The following LIAS variants were observed in gnomAD, a reference collection of about 807,000 sequenced individuals.
LIAS encodes the protein lipoyl synthase, mitochondrial.
Under a neutral mutation model 49.4 loss-of-function variants are expected in LIAS, and 36 were observed. That is an observed-to-expected ratio of 0.73 (90% CI 0.56 to 0.96). The LOEUF (loss-of-function observed/expected upper bound fraction) is 0.96, where lower values mean the gene tolerates loss of function less well. LIAS is among the 40% of genes least tolerant of loss of function. LIAS has a pLI of 0.00. For missense variants in LIAS, 399 were observed against 456.3 expected (o/e 0.87, Z 1.14); for synonymous variants, 145 against 155.8 (o/e 0.93, Z 0.52).
intron 9 of LIAS, 75 bp from the exon 10 acceptor site, chr4:39,473,025 A>G: frequency 2.4e-6 from 2 of 848,632 alleles, no homozygotes; most frequent in East Asian, 2.6e-5. Flanking sequence ...AGCATTCTGC[A>G]TACATAGGTA....
chr4:39,460,253 C>T (rs1435953606), intron 1 of LIAS, among the ~76,000 whole-genome samples: 1 of 152,098 alleles, frequency 6.6e-6, no homozygotes, highest in East Asian at 1.9e-4. Context: ...ATTTTCGGGC[C>T]GGGTGCGGTG....
intron 4 of LIAS, 55 bp downstream of exon 4, chr4:39,463,660 T>G (rs1744636873): frequency 6.5e-7 from 1 of 1,549,760 alleles, no homozygotes; most frequent in Non-Finnish European, 8.8e-7. Flanking sequence ...AGGGACTATT[T>G]TGTGTCTTCC....
At chr4:39,476,861 T>C (rs1244455328) in intron 10 of LIAS, 5 of 514,398 alleles carry the variant, frequency 9.7e-6, no homozygotes, top group African/African-American at 8.0e-5. Flanking sequence ...CTCTAGTCAT[T>C]ATTGCTGGGG....
intron 3 of LIAS, among the ~76,000 whole-genome samples, chr4:39,463,081 G>T (rs1560666844): frequency 6.6e-6 from 1 of 151,524 alleles, no homozygotes; most frequent in South Asian, 2.1e-4. Flanking sequence ...TTAATATAGA[G>T]TTGGGCAGTT....
At chr4:39,470,715 G>C (rs1230495881) in intron 8 of LIAS, 1 of 156,788 alleles carries the variant, frequency 6.4e-6, no homozygotes, top group Non-Finnish European at 1.4e-5. Flanking sequence ...ACTACTTGTA[G>C]TTATTTAGTG....
Position 39,462,185 on chromosome 4 carries a change from G to T in LIAS, c.219-11G>T, listed in dbSNP as rs1744534200. ...ATTTGTTAATAGATAGTTATGTTTG[G>T]CTTTCCTTAGGTTAAGACTACCTCC... On this transcript the variant is annotated splice_polypyrimidine_tract_variant and intron_variant, in intron 2 of 10. Coordinates refer to ENST00000640888, the MANE Select transcript of LIAS (RefSeq NM_006859.4). 2.2e-6 allele frequency: 3 copies of T among 1,368,524 alleles called. No homozygotes were observed. The highest frequency in any genetic ancestry group is 2.8e-5 in the South Asian group (2 of 71,136). 84.8% of individuals were successfully genotyped at this position (1,368,524 alleles called of 1,614,324 possible).
chr4:39,460,748 C>T (rs878871674), intron 1 of LIAS, 42 bp from the exon 2 acceptor site: 4 of 1,478,844 alleles, frequency 2.7e-6, no homozygotes, highest in Non-Finnish European at 3.6e-6. Flanking sequence ...TAAATTATTA[C>T]GGACTCCACT....
At position 39,462,186 on chromosome 4, in the gene LIAS, C is replaced by A; in HGVS notation, c.219-10C>A. ...TTTGTTAATAGATAGTTATGTTTGG[C>A]TTTCCTTAGGTTAAGACTACCTCCA... On this transcript the variant is annotated splice_polypyrimidine_tract_variant and intron_variant, in intron 2 of 10. Coordinates refer to ENST00000640888, the MANE Select transcript of LIAS (RefSeq NM_006859.4). The A allele has an allele frequency of 7.1e-7, 1 of 1,402,028 alleles. No homozygotes were observed. Among genetic ancestry groups the A allele is most frequent in the South Asian group, 1.4e-5 (1 of 72,086 alleles). 86.8% of individuals were successfully genotyped at this position (1,402,028 alleles called of 1,614,324 possible).
chr4:39,465,014 AT>A (rs1481516016), intron 4 of LIAS, 31 bp from the exon 5 acceptor site: 1 of 1,568,318 alleles, frequency 6.4e-7, no homozygotes, highest in Non-Finnish European at 8.8e-7. Context: ...TCATCTGTCT[AT>A]TTCATTTAAA....
chr4:39,466,863 T>A (rs1744778838), intron 6 of LIAS: 1 of 152,226 alleles, frequency 6.6e-6, no homozygotes, highest in Non-Finnish European at 1.5e-5. Flanking sequence ...GTCAGCTGTT[T>A]CAGTCGTTTT....
chr4:39,473,365 G>A, intron 10 of LIAS, 154 bp downstream of exon 10: 1 of 509,258 alleles, frequency 2.0e-6, no homozygotes, highest in Non-Finnish European at 3.5e-6. Flanking sequence ...TAGGAGCTTT[G>A]CTCCATGGGG....
intron 10 of LIAS, chr4:39,473,944 T>G (rs1234690439): frequency 1.3e-5 from 2 of 152,134 alleles, no homozygotes; most frequent in African/African-American, 4.8e-5. Context: ...TCCCTGTCAG[T>G]TGGACTTAAC....
In LIAS at chr4:39,471,779, C is replaced by T. The variant is rs189718412; in HGVS notation, c.954+473C>T. Reference sequence around the variant, plus strand: ...GAGAGCTCAGGCAATCCACCCGCTTCGGCCTCCCAAAGCGCTAGGATTACA... The same window carrying T: ...GAGAGCTCAGGCAATCCACCCGCTTTGGCCTCCCAAAGCGCTAGGATTACA... On this transcript the variant is annotated intron_variant, in intron 9 of 10. Coordinates refer to ENST00000640888, the MANE Select transcript of LIAS (RefSeq NM_006859.4). 4.3e-3 allele frequency among the ~76,000 whole-genome samples: 653 copies of T among 152,038 alleles called. 7 individuals carry two copies. Among genetic ancestry groups the T allele is most frequent in the African/African-American group, 0.014 (561 of 41,470 alleles).
intron 10 of LIAS, among the ~76,000 whole-genome samples, chr4:39,474,435 AAAAAT>A (rs745925155): frequency 2.6e-5 from 4 of 151,618 alleles, no homozygotes; most frequent in African/African-American, 7.3e-5. Flanking sequence ...ACTGTGTCTC[AAAAAT>A]AAAATAAAAA....
chr4:39,470,576 C>T (rs1744943146), intron 8 of LIAS: 1 of 165,578 alleles, frequency 6.0e-6, no homozygotes, highest in Non-Finnish European at 1.3e-5. Flanking sequence ...TTACTTGTAG[C>T]ATTGTCACAT....
chr4:39,464,809 C>G (rs776897117), intron 4 of LIAS, among the ~76,000 whole-genome samples: 1 of 152,134 alleles, frequency 6.6e-6, no homozygotes, highest in Non-Finnish European at 1.5e-5. Flanking sequence ...TGCGTCCTTT[C>G]CTGATCCCAT....
chr4:39,470,212 TAGC>T (rs759983897), intron 8 of LIAS, 48 bp downstream of exon 8: 6 of 1,523,730 alleles, frequency 3.9e-6, no homozygotes, highest in Admixed American at 1.8e-5. Context: ...ATTTGAGTAA[TAGC>T]AGGAACCCAC....
At chr4:39,477,021 A>T in intron 10 of LIAS, 42 bp from the exon 11 acceptor site, 1 of 1,277,348 alleles carries the variant, frequency 7.8e-7, no homozygotes, top group Non-Finnish European at 1.1e-6. Context: ...ACTGTTATTT[A>T]CTTTAAATTG....
rs139410744 is a variant in LIAS, at chr4:39,465,322, C to T, written c.588C>T (p.Thr196=). The change falls in exon 6 of 11, where the codon ACC becomes ACT. Residue 196 remains threonine (T), a synonymous_variant. Transcript: ENST00000640888. ...GGGGAGCTGAACACATTGCAAAGAC[C>T]GTATCATATTTAAAGGAAAGGTACT... ...PDGGAEHIAK[T]VSYLKERNPK... 14 of 1,610,514 alleles carry T rather than the reference C, an allele frequency of 8.7e-6. No individual in the cohort carries two copies. In the East Asian group the frequency reaches 8.9e-5, roughly 10 times the overall value.
Sources: allele counts gnomAD v4.1 joint callset (sites outside exome capture counted in the v4.1 genomes callset), GRCh38; gene constraint gnomAD v4.1.1; transcripts MANE v1.5; gene names NCBI Gene and HGNC (gene_info 2026-07-23, HGNC 2026-07-21).